PLEKHA5: variants seen among roughly 807,000 people sequenced by gnomAD.
PLEKHA5 encodes pleckstrin homology domain-containing family A member 5.
In PLEKHA5, 55 loss-of-function variants were observed where a neutral mutation model predicts 181.9. That is an observed-to-expected ratio of 0.30 (90% CI 0.24 to 0.38). The LOEUF (loss-of-function observed/expected upper bound fraction) is 0.38, where lower values mean the gene tolerates loss of function less well. PLEKHA5 is among the 10% of genes least tolerant of loss of function. The probability of loss-of-function intolerance (pLI) is 1.00; values close to 1 mark genes in which losing one functional copy is unlikely to be tolerated. For synonymous variants in PLEKHA5, 535 were observed against 529.4 expected (o/e 1.01, Z -0.15); for missense variants, 1,432 against 1,549.5 (o/e 0.92, Z 1.27).
rs1365695673 is a variant in PLEKHA5, at chr12:19,343,222, A to G, written c.2551-101A>G. 5 of 631,014 alleles carry G rather than the reference A, an allele frequency of 7.9e-6. No homozygotes were observed. The Admixed American group carries it at 1.2e-4, about 16-fold the overall frequency. The allele number at this position is 631,014 out of a possible 1,614,324, so 39.1% of individuals were successfully genotyped here. On this transcript the variant is annotated intron_variant, in intron 21 of 31. Coordinates refer to ENST00000429027, the MANE Select transcript of PLEKHA5 (RefSeq NM_001256470.2). ...TATTCGTAACACTTAATTCACTGCA[A>G]TTTGCATTTTTAGATGTAATTTATA...
intron 3 of PLEKHA5, among the ~76,000 whole-genome samples, chr12:19,246,109 G>A (rs1433213297): frequency 6.6e-6 from 1 of 150,896 alleles, no homozygotes; most frequent in Non-Finnish European, 1.5e-5. Context: ...TTCCCGAGTA[G>A]CTGGGACTAC....
At chr12:19,324,036 A>G (rs980557168) in intron 20 of PLEKHA5, among the ~76,000 whole-genome samples, 10 of 152,282 alleles carry the variant, frequency 6.6e-5, no homozygotes, top group African/African-American at 2.4e-4. Context: ...TTGAAAGAGA[A>G]ATCTTAGGAA....
intron 3 of PLEKHA5, among the ~76,000 whole-genome samples, chr12:19,250,617 A>G: frequency 6.6e-6 from 1 of 152,226 alleles, no homozygotes; most frequent in East Asian, 1.9e-4. Context: ...AAAAAAATAA[A>G]GACTTGAATT....
chr12:19,235,266 A>G (rs1249728240), intron 3 of PLEKHA5, among the ~76,000 whole-genome samples: 2 of 152,146 alleles, frequency 1.3e-5, no homozygotes, highest in African/African-American at 2.4e-5. Context: ...TATGAAAGGA[A>G]TTTGTTTTAG....
intron 3 of PLEKHA5, among the ~76,000 whole-genome samples, chr12:19,142,670 A>C (rs776149040): frequency 6.6e-6 from 1 of 152,176 alleles, no homozygotes; most frequent in South Asian, 2.1e-4. Flanking sequence ...TAGTCAATCA[A>C]ATTCACATAT....
chr12:19,156,066 G>A (rs769630358), intron 3 of PLEKHA5, among the ~76,000 whole-genome samples: 1 of 152,120 alleles, frequency 6.6e-6, no homozygotes, highest in Non-Finnish European at 1.5e-5. Context: ...AGTAGTTTCC[G>A]TTTTATAATC....
intron 16 of PLEKHA5, among the ~76,000 whole-genome samples, chr12:19,317,262 G>C (rs1159724710): frequency 1.3e-5 from 2 of 152,052 alleles, no homozygotes; most frequent in African/African-American, 2.4e-5. Flanking sequence ...AGCTACTCAG[G>C]AGGCTGAGAC....
chr12:19,336,024 T>C (rs1468982413), intron 20 of PLEKHA5, among the ~76,000 whole-genome samples: 1 of 152,172 alleles, frequency 6.6e-6, no homozygotes, highest in African/African-American at 2.4e-5. Context: ...TCTGTGATAT[T>C]ATTGGTTTGG....
intron 3 of PLEKHA5, among the ~76,000 whole-genome samples, chr12:19,247,016 G>A (rs143063199): frequency 9.7e-4 from 147 of 151,966 alleles, no homozygotes; most frequent in African/African-American, 3.3e-3. Flanking sequence ...TGCACTTTAT[G>A]CGTTTATTTT....
chr12:19,183,842 T>C (rs1238223967), intron 3 of PLEKHA5, among the ~76,000 whole-genome samples: 3 of 152,088 alleles, frequency 2.0e-5, no homozygotes, highest in African/African-American at 7.2e-5. Context: ...GCCTCCCGAG[T>C]AGGTGGGACT....
At chr12:19,162,502 CAT>C (rs770454576) in intron 3 of PLEKHA5, among the ~76,000 whole-genome samples, 52 of 149,452 alleles carry the variant, frequency 3.5e-4, no homozygotes, top group Non-Finnish European at 5.5e-4. Flanking sequence ...TTAAAAAAGA[CAT>C]GTGAAATGAT....
chr12:19,238,086 T>A (rs2061706686), intron 3 of PLEKHA5, among the ~76,000 whole-genome samples: 1 of 152,068 alleles, frequency 6.6e-6, no homozygotes, highest in African/African-American at 2.4e-5. Flanking sequence ...CAAAGTTTTT[T>A]CTTAAAGAAT....
chr12:19,235,968 T>G (rs2061352541), intron 3 of PLEKHA5, among the ~76,000 whole-genome samples: 2 of 152,172 alleles, frequency 1.3e-5, no homozygotes, highest in South Asian at 4.1e-4. Flanking sequence ...TGTTTTGACC[T>G]ATCCATTCCA....
intron 3 of PLEKHA5, among the ~76,000 whole-genome samples, chr12:19,133,415 A>G (rs2034611314): frequency 1.3e-5 from 2 of 150,524 alleles, no homozygotes; most frequent in African/African-American, 4.8e-5. Flanking sequence ...GTTTAACCTT[A>G]TTTGTTCTTT....
rs186500273 is a variant in PLEKHA5 at position 19,345,261 on chromosome 12, A to G, written c.2663-581A>G. Among the ~76,000 whole-genome samples the G allele has an allele frequency of 8.6e-5, 13 of 151,918 alleles. No individual in the cohort carries two copies. In the East Asian group the frequency reaches 1.9e-3, roughly 23 times the overall value. On this transcript the variant is annotated intron_variant, in intron 22 of 31. Coordinates refer to ENST00000429027, the MANE Select transcript of PLEKHA5 (RefSeq NM_001256470.2). ...CTAAAAATACAAAAATTAGCCATGC[A>G]TGGTGGCGTGCACCTATAGTCCCAG...
chr12:19,259,659 G>T (rs147963448), intron 6 of PLEKHA5, among the ~76,000 whole-genome samples: 224 of 151,700 alleles, frequency 1.5e-3, no homozygotes, highest in African/African-American at 5.3e-3. Flanking sequence ...GCTGAGACAC[G>T]AGAATCACTT....
At chr12:19,173,237 A>T (rs1310786608) in intron 3 of PLEKHA5, among the ~76,000 whole-genome samples, 1 of 149,986 alleles carries the variant, frequency 6.7e-6, no homozygotes, top group Non-Finnish European at 1.5e-5. Flanking sequence ...GTTAGCCAGG[A>T]TGGTCTCGAT....
chr12:19,229,166 G>A (rs2060091463), intron 3 of PLEKHA5, among the ~76,000 whole-genome samples: 1 of 152,152 alleles, frequency 6.6e-6, no homozygotes, highest in Non-Finnish European at 1.5e-5. Flanking sequence ...GGTTTTAAGG[G>A]AAAATAGCCA....
chr12:19,357,824 G>A (rs1228604791), intron 26 of PLEKHA5, among the ~76,000 whole-genome samples: 1 of 151,906 alleles, frequency 6.6e-6, no homozygotes, highest in Non-Finnish European at 1.5e-5. Flanking sequence ...ATTTTTGGTA[G>A]AGACGGGTTT....
Sources: gnomAD v4.1 joint callset for allele counts (sites outside exome capture counted in the v4.1 genomes callset) on GRCh38, gnomAD v4.1.1 for gene constraint, MANE v1.5 for transcripts, NCBI Gene and HGNC (gene_info 2026-07-23, HGNC 2026-07-21) for gene names.